The following DPH6 variants were observed in gnomAD, a reference collection of about 807,000 sequenced individuals.
DPH6 encodes diphthine--ammonia ligase.
Under a neutral mutation model 38.2 loss-of-function variants are expected in DPH6, and 33 were observed. The observed-to-expected ratio is 0.86, with a 90% CI of 0.65 to 1.15. DPH6 has a LOEUF of 1.15. DPH6 is among the 50% of genes most tolerant of loss of function. DPH6 has a pLI of 0.00. For synonymous variants in DPH6, 108 were observed against 103.0 expected (o/e 1.05, Z -0.30); for missense variants, 325 against 320.0 (o/e 1.02, Z -0.12).
At chr15:35,356,606 T>C (rs1055622544) in intron 3 of DPH6, among the ~76,000 whole-genome samples, 8 of 152,138 alleles carry the variant, frequency 5.3e-5, no homozygotes, top group African/African-American at 1.7e-4. Flanking sequence ...CGGATATTGG[T>C]GAACAGCAAA....
chr15:35,213,150 C>T (rs1397288818), downstream of DPH6, among the ~76,000 whole-genome samples: 1 of 152,196 alleles, frequency 6.6e-6, no homozygotes, highest in African/African-American at 2.4e-5. Flanking sequence ...GGAATTCTCA[C>T]ACTTTCCTGT....
rs541268896 is a variant in DPH6, at chr15:35,334,635, T to A, written n.208-3558A>T. On this transcript the variant is annotated intron_variant and non_coding_transcript_variant, in intron 3 of 3. Transcript: ENST00000558973. ...GTGTTCTCATCATTCAGCTCCCACT[T>A]ACAAATAAGAACATGCAGTGTTTGG... Among the ~76,000 whole-genome samples the A allele has an allele frequency of 1.9e-3, 282 of 152,254 alleles. 1 individual carries two copies. The highest frequency in any genetic ancestry group is 6.5e-3 in the African/African-American group (270 of 41,558).
the DPH6 span, among the ~76,000 whole-genome samples, chr15:35,211,442 T>C: frequency 1.3e-5 from 2 of 152,174 alleles, no homozygotes; most frequent in Non-Finnish European, 1.5e-5. Context: ...CATGTAGCTA[T>C]TGGAAGAATA....
chr15:35,504,850 C>A (rs943027597), intron 3 of DPH6, among the ~76,000 whole-genome samples: 3 of 152,080 alleles, frequency 2.0e-5, no homozygotes, highest in Non-Finnish European at 2.9e-5. Context: ...GAACAAAGAA[C>A]TCTAGCCTAC....
chr15:35,284,667 T>TA (rs1006925241), intron 3 of DPH6, among the ~76,000 whole-genome samples: 3 of 151,360 alleles, frequency 2.0e-5, no homozygotes, highest in Non-Finnish European at 4.4e-5. Context: ...TTCCTTTCCC[T>TA]ACAGTCCTAG....
intron 3 of DPH6, among the ~76,000 whole-genome samples, chr15:35,363,053 G>A (rs1292152329): frequency 6.6e-6 from 1 of 151,998 alleles, no homozygotes; most frequent in Non-Finnish European, 1.5e-5. Context: ...TTGTATTATG[G>A]CCCTGGGTAT....
chr15:35,512,372 A>G (rs1051541209), intron 3 of DPH6, among the ~76,000 whole-genome samples: 2 of 152,164 alleles, frequency 1.3e-5, no homozygotes, highest in Non-Finnish European at 2.9e-5. Flanking sequence ...AGTTAAAATT[A>G]GCATTACATC....
At chr15:35,415,953 A>C (rs1260934178) in intron 5 of DPH6, among the ~76,000 whole-genome samples, 2 of 151,994 alleles carry the variant, frequency 1.3e-5, no homozygotes, top group Non-Finnish European at 2.9e-5. Flanking sequence ...AATAAACTTC[A>C]TGTGTACCTA....
At chr15:35,354,331 G>A (rs1194851943) in intron 3 of DPH6, among the ~76,000 whole-genome samples, 1 of 152,170 alleles carries the variant, frequency 6.6e-6, no homozygotes, top group Admixed American at 6.5e-5. Flanking sequence ...AATAGGAGTG[G>A]TGAGAGAGAG....
intron 3 of DPH6, among the ~76,000 whole-genome samples, chr15:35,295,154 T>A (rs1217045345): frequency 6.6e-6 from 1 of 152,200 alleles, no homozygotes; most frequent in Non-Finnish European, 1.5e-5. Flanking sequence ...CCACTTTTCA[T>A]TGTGTTACCA....
chr15:35,220,263 C>T (rs979407074), exon 4 of DPH6: 5 of 152,062 alleles, frequency 3.3e-5, no homozygotes, highest in Admixed American at 2.0e-4. Context: ...GTGGGAAATA[C>T]CAAGAGGTCC....
chr15:35,274,019 T>C (rs1354326307), intron 3 of DPH6, among the ~76,000 whole-genome samples: 1 of 152,214 alleles, frequency 6.6e-6, no homozygotes, highest in African/African-American at 2.4e-5. Context: ...AAGGCTTCAG[T>C]AACCAAAACA....
chr15:35,210,045 A>G, the DPH6 span, among the ~76,000 whole-genome samples: 1 of 152,168 alleles, frequency 6.6e-6, no homozygotes, highest in Admixed American at 6.5e-5. Context: ...TGGTGCTTCC[A>G]TGTGTAGCTT....
chr15:35,275,053 T>G (rs2051848593), intron 3 of DPH6, among the ~76,000 whole-genome samples: 3 of 152,196 alleles, frequency 2.0e-5, no homozygotes, highest in Non-Finnish European at 2.9e-5. Flanking sequence ...TAGCTGGGAC[T>G]ACAGGTGCCC....
At chr15:35,259,144 CAAAAAA>C (rs3028681) in intron 3 of DPH6, among the ~76,000 whole-genome samples, 5 of 133,870 alleles carry the variant, frequency 3.7e-5, no homozygotes, top group Admixed American at 3.0e-4. Flanking sequence ...GACTCCGTCT[CAAAAAA>C]AAAAAAAAAA....
chr15:35,312,749 T>G (rs1433149518), intron 3 of DPH6, among the ~76,000 whole-genome samples: 1 of 152,200 alleles, frequency 6.6e-6, no homozygotes, highest in Non-Finnish European at 1.5e-5. Flanking sequence ...GTTATCTGGT[T>G]TTCCCAGCAT....
chr15:35,276,014 G>GA (rs1450298825), intron 3 of DPH6, among the ~76,000 whole-genome samples: 1 of 152,150 alleles, frequency 6.6e-6, no homozygotes, highest in East Asian at 1.9e-4. Context: ...GTTCTTTAAG[G>GA]AATCTCCACA....
intron 3 of DPH6, chr15:35,282,875 C>T: frequency 5.9e-6 from 2 of 340,614 alleles, no homozygotes; most frequent in Non-Finnish European, 6.1e-6. Flanking sequence ...GATGAAGACC[C>T]CATCGGGGGG....
downstream of DPH6, among the ~76,000 whole-genome samples, chr15:35,366,596 A>G (rs929908532): frequency 1.3e-5 from 2 of 151,938 alleles, no homozygotes; most frequent in Admixed American, 6.6e-5. Context: ...TCCCTTCCCC[A>G]AAGAATCCAA....
Sources: allele counts gnomAD v4.1 joint callset (sites outside exome capture counted in the v4.1 genomes callset), GRCh38; gene constraint gnomAD v4.1.1; transcripts MANE v1.5; gene names NCBI Gene and HGNC (gene_info 2026-07-23, HGNC 2026-07-21).